The following F2 variants were observed in gnomAD, a reference collection of about 807,000 sequenced individuals.
The protein encoded by F2 is prothrombin.
A neutral mutation model predicts 81.9 loss-of-function variants in F2; 34 were observed. The ratio of observed to expected loss-of-function variants is 0.42; its 90% CI spans 0.32 to 0.55. The LOEUF (loss-of-function observed/expected upper bound fraction) is 0.55. Among genes scored for constraint, F2 ranks in the 20% least tolerant of loss-of-function variants. The pLI is 0.18. For missense variants in F2, 630 were observed against 833.4 expected (o/e 0.76, Z 3.00); for synonymous variants, 296 against 326.4 (o/e 0.91, Z 1.01).
chr11:46,729,640 G>A (rs1565705760), intron 12 of F2, 79 bp downstream of exon 12: 1 of 1,536,142 alleles, frequency 6.5e-7, no homozygotes, highest in African/African-American at 1.4e-5. Flanking sequence ...TTCAAGCCAT[G>A]TGACTTTGAG....
At position 46,728,739 on chromosome 11, in the gene F2, C is replaced by T. The variant is rs754157025; in HGVS notation, c.1374C>T (p.Asn458=). The T allele has an allele frequency of 1.2e-6, 2 of 1,614,244 alleles. No individual in the cohort carries two copies. Among genetic ancestry groups the T allele is most frequent in the Non-Finnish European group, 8.5e-7 (1 of 1,180,046 alleles). Residue 458 remains asparagine, a synonymous_variant, in exon 11 of 14, where the codon AAC becomes AAT. Transcript: ENST00000311907. This position sits in a 1 kb window ranked among gnomAD's most constrained non-coding sequence, Gnocchi z 5.1. ...ACCCCAGGTACAACTGGCGGGAGAA[C>T]CTGGACCGGGACATTGCCCTGATGA... ...YIHPRYNWRE[N]LDRDIALMKL... is the part of the protein sequence containing the mutation.
At position 46,729,467 on chromosome 11, in the gene F2, C is replaced by T; in HGVS notation, c.1560C>T (p.Pro520=). ...CAGCCAACGTTGGTAAGGGGCAGCCCAGTGTCCTGCAGGTGGTGAACCTGC... is the reference window on the plus strand; with the variant it reads ...CAGCCAACGTTGGTAAGGGGCAGCCTAGTGTCCTGCAGGTGGTGAACCTGC... ...TWTANVGKGQ[P]SVLQVVNLPI... The change falls in exon 12 of 14, where the codon CCC becomes CCT. Residue 520 remains proline (P), a synonymous_variant. Coordinates refer to ENST00000311907, the MANE Select transcript of F2 (RefSeq NM_000506.5). 6.2e-7 allele frequency: 1 copy of T among 1,614,152 alleles called. No homozygotes were observed. The highest frequency in any genetic ancestry group is 8.5e-7 in the Non-Finnish European group (1 of 1,180,018).
At chr11:46,734,935 A>G (rs547692617) in intron 12 of F2, among the ~76,000 whole-genome samples, 6 of 152,292 alleles carry the variant, frequency 3.9e-5, no homozygotes, top group African/African-American at 1.4e-4. Context: ...CCTGACTCAT[A>G]TGGAGTTTAT....
At chr11:46,725,689 A>G (rs550409597) in intron 6 of F2, among the ~76,000 whole-genome samples, 170 bp from the exon 7 acceptor site, 24 of 152,344 alleles carry the variant, frequency 1.6e-4, no homozygotes, top group Admixed American at 3.3e-4. Context: ...CAAACCTGCA[A>G]AAGTGGCATT....
Position 46,729,497 on chromosome 11 carries a change from T to G in F2, c.1590T>G (p.Ile530Met). The G allele has an allele frequency of 6.2e-7, 1 of 1,614,072 alleles. No homozygotes were observed. The highest frequency in any genetic ancestry group is 8.5e-7 in the Non-Finnish European group (1 of 1,179,970). ...PSVLQVVNLP[I>M]VERPVCKDST... is the part of the protein sequence containing the mutation. ...TCCTGCAGGTGGTGAACCTGCCCAT[T>G]GTGGAGCGGCCGGTCTGCAAGGACT... Residue 530 changes from isoleucine to methionine, a missense_variant, in exon 12 of 14, where the codon ATT becomes ATG. Coordinates refer to ENST00000311907, the MANE Select transcript of F2 (RefSeq NM_000506.5).
chr11:46,731,759 C>T (rs2064913197), intron 12 of F2, among the ~76,000 whole-genome samples: 1 of 152,054 alleles, frequency 6.6e-6, no homozygotes, highest in Non-Finnish European at 1.5e-5. Context: ...CTTCTTGGTG[C>T]ATCCTGTTAA....
At chr11:46,733,171 C>T (rs1382156443) in intron 12 of F2, among the ~76,000 whole-genome samples, 2 of 152,220 alleles carry the variant, frequency 1.3e-5, no homozygotes, top group African/African-American at 4.8e-5. Context: ...GAAACCTGAC[C>T]CTCATTATCT....
chr11:46,722,053 C>A (rs1210793445), intron 4 of F2, among the ~76,000 whole-genome samples: 3 of 151,946 alleles, frequency 2.0e-5, no homozygotes, highest in Non-Finnish European at 4.4e-5. Context: ...CCATGTTGGC[C>A]AGGCTGGTCA....
Position 46,723,779 on chromosome 11 carries a change from A to G in F2, c.559+261A>G, listed in dbSNP as rs1340230140. On this transcript the variant is annotated intron_variant, in intron 6 of 13. Coordinates refer to ENST00000311907, the MANE Select transcript of F2 (RefSeq NM_000506.5). This position sits in a 1 kb window ranked among gnomAD's most constrained non-coding sequence, Gnocchi z 5.6. The stretch of plus-strand genomic sequence containing the variant: ...GTGGTGGGCGCCTGTAATCCCAACT[A>G]CTCTGGAGGCTGAGGCACGAGAATC... 2.0e-5 allele frequency among the ~76,000 whole-genome samples: 3 copies of G among 151,450 alleles called. No individual in the cohort carries two copies. The highest frequency in any genetic ancestry group is 2.9e-5 in the Non-Finnish European group (2 of 67,852).
intron 2 of F2, 94 bp from the exon 3 acceptor site, chr11:46,720,429 G>C: frequency 6.9e-7 from 1 of 1,451,946 alleles, no homozygotes. Flanking sequence ...TGCGTGACCA[G>C]GGTAAAGGAA....
intron 4 of F2, among the ~76,000 whole-genome samples, chr11:46,721,963 C>T (rs1351177721): frequency 6.6e-6 from 1 of 152,098 alleles, no homozygotes; most frequent in East Asian, 1.9e-4. Flanking sequence ...CTGCCTTAGC[C>T]TCCTGAGTAG....
At chr11:46,725,066 G>A (rs3136458) in intron 6 of F2, among the ~76,000 whole-genome samples, 18,046 of 130,442 alleles carry the variant, frequency 0.14, 2,042 homozygotes, top group East Asian at 0.58. Context: ...CACTGCGCCC[G>A]GCCTTTTTTT....
At chr11:46,731,958 C>G (rs1285059056) in intron 12 of F2, among the ~76,000 whole-genome samples, 2 of 148,054 alleles carry the variant, frequency 1.4e-5, no homozygotes, top group African/African-American at 5.0e-5. Flanking sequence ...CCTCTATCAC[C>G]CGGGCTGGAG....
chr11:46,727,864 C>T (rs2064884982), intron 9 of F2, 132 bp from the exon 10 acceptor site: 1 of 1,037,144 alleles, frequency 9.6e-7, no homozygotes, highest in Non-Finnish European at 1.4e-6. Context: ...GCGGCCAGCC[C>T]AAGCTTGGAT....
chr11:46,728,256 G>A lies in F2; in HGVS notation c.1298+93G>A. On this transcript the variant is annotated intron_variant, in intron 10 of 13. Transcript: ENST00000311907. This position sits in a 1 kb window ranked among gnomAD's most constrained non-coding sequence, Gnocchi z 5.1. Reference sequence around the variant, plus strand: ...CTGGTGGCTCCGGGACACATAGGATGTTCTGTATACCCCCCAGAATATAAC... The same window carrying A: ...CTGGTGGCTCCGGGACACATAGGATATTCTGTATACCCCCCAGAATATAAC... 2 of 1,312,700 alleles carry A rather than the reference G, an allele frequency of 1.5e-6. No homozygotes were observed. Among genetic ancestry groups the A allele is most frequent in the South Asian group, 1.3e-5 (1 of 79,104 alleles). 81.3% of individuals were successfully genotyped at this position (1,312,700 alleles called of 1,614,324 possible). A position where few individuals can be genotyped will look rare whatever the true frequency, so the allele number is the denominator to read the frequency against.
At chr11:46,733,729 G>A (rs547336179) in intron 12 of F2, among the ~76,000 whole-genome samples, 6 of 151,050 alleles carry the variant, frequency 4.0e-5, no homozygotes, top group African/African-American at 1.5e-4. Flanking sequence ...TGTTTTAACG[G>A]ACATCTTTCA....
At chr11:46,734,693 C>G (rs558203001) in intron 12 of F2, among the ~76,000 whole-genome samples, 2 of 152,186 alleles carry the variant, frequency 1.3e-5, no homozygotes, top group Non-Finnish European at 2.9e-5. Context: ...TGCCTGTAGT[C>G]CCAGCTACTC....
chr11:46,731,192 C>T (rs554543531), intron 12 of F2, among the ~76,000 whole-genome samples: 1 of 150,990 alleles, frequency 6.6e-6, no homozygotes, highest in Admixed American at 6.6e-5. Context: ...GCTGGGATTA[C>T]AGGCGTGAAC....
intron 12 of F2, among the ~76,000 whole-genome samples, chr11:46,732,384 G>T (rs2064918935): frequency 6.6e-6 from 1 of 151,360 alleles, no homozygotes; most frequent in South Asian, 2.1e-4. Context: ...TTATTCTAAG[G>T]GTTCACCTTT....
Sources: allele counts gnomAD v4.1 joint callset (sites outside exome capture counted in the v4.1 genomes callset), GRCh38; gene constraint gnomAD v4.1.1; non-coding constraint Gnocchi (gnomAD v3.1); transcripts MANE v1.5; gene names NCBI Gene and HGNC (gene_info 2026-07-23, HGNC 2026-07-21).